The following MTUS1 variants were observed in gnomAD, a reference collection of about 807,000 sequenced individuals.
The protein encoded by MTUS1 is microtubule-associated tumor suppressor 1.
MTUS1 carries 109 observed loss-of-function variants against 120.8 expected under a neutral mutation model. The observed-to-expected ratio is 0.90, with a 90% CI of 0.77 to 1.06. The LOEUF (loss-of-function observed/expected upper bound fraction) is 1.06, where lower values mean the gene tolerates loss of function less well. Among genes scored for constraint, MTUS1 ranks in the 50% least tolerant of loss-of-function variants. MTUS1 has a pLI of 0.00. For missense variants in MTUS1, 2,210 were observed against 1,486.3 expected, an observed-to-expected ratio of 1.49 and a Z score of -8.01; for synonymous variants, 737 against 550.5, an observed-to-expected ratio of 1.34 and a Z score of -4.74.
intron 1 of MTUS1, among the ~76,000 whole-genome samples, chr8:17,764,971 A>G (rs376892825): frequency 3.9e-5 from 6 of 152,348 alleles, no homozygotes; most frequent in Admixed American, 2.0e-4. Flanking sequence ...TCAAATAATT[A>G]TATAACTCAT....
intron 1 of MTUS1, among the ~76,000 whole-genome samples, chr8:17,778,128 G>C (rs1166056683): frequency 6.6e-6 from 1 of 152,042 alleles, no homozygotes; most frequent in East Asian, 1.9e-4. Flanking sequence ...TAACCCAAAT[G>C]TCCATCACGG....
chr8:17,720,353 A>AC (rs1270734654), intron 4 of MTUS1, among the ~76,000 whole-genome samples: 1 of 151,748 alleles, frequency 6.6e-6, no homozygotes, highest in Admixed American at 6.6e-5. Context: ...CTAAAAAAAA[A>AC]AAAAACAAAA....
At chr8:17,715,641 C>T in intron 5 of MTUS1, 126 bp downstream of exon 5, 1 of 1,013,306 alleles carries the variant, frequency 9.9e-7, no homozygotes, top group South Asian at 1.9e-5. Context: ...ATTATATCTC[C>T]TTTCTCAACA....
At chr8:17,710,257 C>A (rs1821026225) in intron 6 of MTUS1, among the ~76,000 whole-genome samples, 1 of 152,138 alleles carries the variant, frequency 6.6e-6, no homozygotes, top group African/African-American at 2.4e-5. Context: ...GCACGTGATG[C>A]TGTTTCATAG....
At chr8:17,715,429 A>C (rs563696309) in intron 5 of MTUS1, among the ~76,000 whole-genome samples, 1 of 152,156 alleles carries the variant, frequency 6.6e-6, no homozygotes, top group African/African-American at 2.4e-5. Context: ...AATAAACATA[A>C]AACATCTACC....
At chr8:17,681,330 G>A (rs954212939) in intron 7 of MTUS1, among the ~76,000 whole-genome samples, 1 of 152,166 alleles carries the variant, frequency 6.6e-6, no homozygotes, top group African/African-American at 2.4e-5. Flanking sequence ...TGAACATGTA[G>A]GTATTGTGGG....
intron 1 of MTUS1, among the ~76,000 whole-genome samples, chr8:17,759,466 G>C (rs1279016442): frequency 6.6e-6 from 1 of 150,910 alleles, no homozygotes; most frequent in African/African-American, 2.4e-5. Flanking sequence ...AAGGGGTCCA[G>C]CTTTTCTCAT....
intron 6 of MTUS1, among the ~76,000 whole-genome samples, chr8:17,704,661 T>C (rs1323575412): frequency 6.6e-6 from 1 of 152,258 alleles, no homozygotes; most frequent in African/African-American, 2.4e-5. Context: ...ACTCTTTTAA[T>C]TACTGTGTGT....
At chr8:17,752,877 C>T (rs753065376) in intron 2 of MTUS1, among the ~76,000 whole-genome samples, 6 of 152,184 alleles carry the variant, frequency 3.9e-5, no homozygotes, top group South Asian at 2.1e-4. Flanking sequence ...ACATGCCCAA[C>T]GACCAACAGT....
At chr8:17,669,292 G>A (rs561424890) in intron 8 of MTUS1, among the ~76,000 whole-genome samples, 1 of 152,184 alleles carries the variant, frequency 6.6e-6, no homozygotes, top group Non-Finnish European at 1.5e-5. Context: ...GAGCATGAGG[G>A]GTCCGCGACG....
At chr8:17,740,057 A>C (rs1245996795) in intron 3 of MTUS1, among the ~76,000 whole-genome samples, 1 of 152,098 alleles carries the variant, frequency 6.6e-6, no homozygotes, top group Non-Finnish European at 1.5e-5. Context: ...AATACAAAAA[A>C]TTAGTTGGGC....
At chr8:17,781,235 C>T (rs2050853148) in intron 1 of MTUS1, among the ~76,000 whole-genome samples, 1 of 152,218 alleles carries the variant, frequency 6.6e-6, no homozygotes, top group Non-Finnish European at 1.5e-5. Context: ...CAGCAAACAA[C>T]TACCATTCTG....
intron 6 of MTUS1, among the ~76,000 whole-genome samples, chr8:17,705,110 G>T (rs1310389552): frequency 1.3e-5 from 2 of 152,110 alleles, no homozygotes; most frequent in Non-Finnish European, 2.9e-5. Flanking sequence ...AGCCTCATGA[G>T]TGCTGGGACT....
At chr8:17,761,517 C>A (rs2049035934) in intron 1 of MTUS1, among the ~76,000 whole-genome samples, 1 of 152,140 alleles carries the variant, frequency 6.6e-6, no homozygotes, top group African/African-American at 2.4e-5. Context: ...AGCTGTGTGC[C>A]TTATTTCACC....
chr8:17,665,058 G>C (rs1371089457), intron 8 of MTUS1, among the ~76,000 whole-genome samples: 1 of 152,194 alleles, frequency 6.6e-6, no homozygotes, highest in African/African-American at 2.4e-5. Flanking sequence ...GTGAAACAGA[G>C]TTACTCTTAT....
At chr8:17,745,254 A>G (rs1358452817) in intron 2 of MTUS1, among the ~76,000 whole-genome samples, 1 of 152,226 alleles carries the variant, frequency 6.6e-6, no homozygotes, top group African/African-American at 2.4e-5. Context: ...ACCCTGGCAG[A>G]TATCAAAATC....
intron 7 of MTUS1, chr8:17,681,449 C>A (rs1242168608): frequency 6.5e-6 from 1 of 152,978 alleles, no homozygotes; most frequent in Non-Finnish European, 1.5e-5. Context: ...TCCTGGTTCT[C>A]CTCTTGCTAG....
chr8:17,683,694 CT>C (rs776113772), intron 7 of MTUS1, among the ~76,000 whole-genome samples: 9 of 152,086 alleles, frequency 5.9e-5, no homozygotes, highest in Non-Finnish European at 1.2e-4. Flanking sequence ...CAGTTGCCCC[CT>C]GAGATAATTA....
intron 1 of MTUS1, among the ~76,000 whole-genome samples, chr8:17,791,215 T>C (rs554647733): frequency 6.6e-6 from 1 of 152,300 alleles, no homozygotes; most frequent in South Asian, 2.1e-4. Context: ...AAGAAAGCAC[T>C]CATGACCTGC....
Sources: gnomAD v4.1 joint callset for allele counts (sites outside exome capture counted in the v4.1 genomes callset) on GRCh38, gnomAD v4.1.1 for gene constraint, MANE v1.5 for transcripts, NCBI Gene and HGNC (gene_info 2026-07-23, HGNC 2026-07-21) for gene names.